The following POLB variants were observed in gnomAD, a reference collection of about 807,000 sequenced individuals.
POLB encodes the protein DNA polymerase beta.
Under a neutral mutation model 52.7 loss-of-function variants are expected in POLB, and 37 were observed. The observed-to-expected ratio is 0.70, with a 90% CI of 0.54 to 0.92. POLB has a LOEUF of 0.92. Among genes scored for constraint, POLB ranks in the 40% least tolerant of loss-of-function variants. POLB has a pLI of 0.00. For synonymous variants in POLB, 138 were observed against 131.3 expected, an observed-to-expected ratio of 1.05 and a Z score of -0.35; for missense variants, 313 against 400.8, an observed-to-expected ratio of 0.78 and a Z score of 1.87.
intron 9 of POLB, 86 bp from the exon 10 acceptor site, chr8:42,361,209 C>A: frequency 1.1e-6 from 1 of 874,048 alleles, no homozygotes; most frequent in Non-Finnish European, 2.0e-6. Context: ...AGAAGTAAGG[C>A]TCTTCTGTGT....
chr8:42,347,312 A>G (rs1258882530), intron 3 of POLB, among the ~76,000 whole-genome samples: 1 of 134,882 alleles, frequency 7.4e-6, no homozygotes, highest in Non-Finnish European at 1.6e-5. Flanking sequence ...TCTAGAAATT[A>G]TTCTAGAATT....
chr8:42,370,155 C>T (rs537553424), intron 13 of POLB, 167 bp downstream of exon 13: 1 of 695,664 alleles, frequency 1.4e-6, no homozygotes, highest in South Asian at 1.5e-5. Context: ...TAACATGCTC[C>T]TAGGCCCTCA....
chr8:42,347,053 A>C (rs756372450), intron 3 of POLB, among the ~76,000 whole-genome samples: 4 of 152,076 alleles, frequency 2.6e-5, no homozygotes, highest in Non-Finnish European at 5.9e-5. Context: ...TTTATTGCAA[A>C]TAGCCTGCTC....
chr8:42,367,843 C>T (rs531961225), intron 11 of POLB, among the ~76,000 whole-genome samples: 11 of 152,194 alleles, frequency 7.2e-5, no homozygotes, highest in South Asian at 2.1e-4. Flanking sequence ...GTTTTATATA[C>T]GGTGAGTGCC....
intron 4 of POLB, chr8:42,349,305 A>G: frequency 2.4e-6 from 1 of 411,274 alleles, no homozygotes; most frequent in South Asian, 5.2e-5. Context: ...CCCGTAATAG[A>G]GTTGGCTCAT....
intron 2 of POLB, among the ~76,000 whole-genome samples, chr8:42,343,374 A>ACACG (rs1585868443): frequency 8.7e-6 from 1 of 115,262 alleles, no homozygotes; most frequent in Admixed American, 1.0e-4. Flanking sequence ...ATATATACAC[A>ACACG]AAATTAGCCA....
chr8:42,342,488 T>G (rs1214243224), intron 2 of POLB: 17 of 1,029,266 alleles, frequency 1.7e-5, no homozygotes, highest in Non-Finnish European at 2.6e-5. Context: ...ACTATCATCC[T>G]CTATTTGGGT....
chr8:42,353,041 T>G (rs1330528181), intron 6 of POLB, among the ~76,000 whole-genome samples: 1 of 149,100 alleles, frequency 6.7e-6, no homozygotes, highest in Non-Finnish European at 1.5e-5. Context: ...GCCACTGCAC[T>G]CCAGCCTGGG....
At chr8:42,359,081 C>T (rs1457902911) in intron 9 of POLB, among the ~76,000 whole-genome samples, 2 of 152,050 alleles carry the variant, frequency 1.3e-5, no homozygotes, top group African/African-American at 4.8e-5. Context: ...TATATGCTTT[C>T]ACATAAAAAG....
chr8:42,358,083 A>G (rs980426442), intron 9 of POLB: 3 of 152,230 alleles, frequency 2.0e-5, no homozygotes, highest in Non-Finnish European at 4.4e-5. Flanking sequence ...GTTCAAAACC[A>G]ATTCTTACAA....
chr8:42,365,267 T>TA, intron 11 of POLB, among the ~76,000 whole-genome samples: 1 of 152,284 alleles, frequency 6.6e-6, no homozygotes, highest in Admixed American at 6.5e-5. Flanking sequence ...TTTGGAAAGA[T>TA]AAAAGTAAAG....
intron 2 of POLB, among the ~76,000 whole-genome samples, chr8:42,340,836 G>T (rs1822156497): frequency 6.6e-6 from 1 of 151,972 alleles, no homozygotes; most frequent in Admixed American, 6.6e-5. Flanking sequence ...TAAAATAATT[G>T]TATTATCATC....
chr8:42,344,899 A>C, intron 2 of POLB, 54 bp from the exon 3 acceptor site: 3 of 1,036,140 alleles, frequency 2.9e-6, no homozygotes, highest in Non-Finnish European at 4.6e-6. Context: ...GTTTAAGAAA[A>C]ATTAAGGCCT....
chr8:42,347,442 G>A (rs1822703072), intron 3 of POLB, among the ~76,000 whole-genome samples: 1 of 150,072 alleles, frequency 6.7e-6, no homozygotes, highest in Non-Finnish European at 1.5e-5. Flanking sequence ...AGTAATTCTA[G>A]AAATTATTCT....
chr8:42,341,667 G>A (rs1822208713), intron 2 of POLB: 1 of 240,418 alleles, frequency 4.2e-6, no homozygotes, highest in Non-Finnish European at 8.1e-6. Context: ...AAGAATTACA[G>A]GTCACCGCTT....
chr8:42,339,318 T>C, intron 2 of POLB: 1 of 511,298 alleles, frequency 2.0e-6, no homozygotes, highest in South Asian at 2.4e-5. Flanking sequence ...TCATCAAACA[T>C]GAATTACTAG....
intron 11 of POLB, among the ~76,000 whole-genome samples, chr8:42,367,181 A>C (rs376284478): frequency 1.3e-5 from 2 of 152,260 alleles, no homozygotes; most frequent in African/African-American, 4.8e-5. Context: ...GGATGTATCC[A>C]TGAATTTAAG....
chr8:42,341,701 A>T, intron 2 of POLB: 5 of 273,898 alleles, frequency 1.8e-5, no homozygotes, highest in East Asian at 8.5e-5. Flanking sequence ...AGTGGGAACA[A>T]TTTTTTTTTT....
chr8:42,344,383 C>T (rs1034690840), intron 2 of POLB, among the ~76,000 whole-genome samples: 8 of 151,300 alleles, frequency 5.3e-5, no homozygotes, highest in East Asian at 1.9e-4. Context: ...GCAGGAGAAT[C>T]GCTTGAACCC....
Sources: gnomAD v4.1 joint callset for allele counts (sites outside exome capture counted in the v4.1 genomes callset) on GRCh38, gnomAD v4.1.1 for gene constraint, MANE v1.5 for transcripts, NCBI Gene and HGNC (gene_info 2026-07-23, HGNC 2026-07-21) for gene names.